The following MSI2 variants were observed in gnomAD, a reference collection of about 807,000 sequenced individuals.
The protein encoded by MSI2 is musashi RNA binding protein 2.
MSI2 carries 17 observed loss-of-function variants against 45.6 expected under a neutral mutation model. The ratio of observed to expected loss-of-function variants is 0.37; its 90% CI spans 0.26 to 0.56. The LOEUF is 0.56. Among genes scored for constraint, MSI2 ranks in the 20% least tolerant of loss-of-function variants. The pLI is 0.77. For missense variants in MSI2, 293 were observed against 444.2 expected, an observed-to-expected ratio of 0.66 and a Z score of 3.06; for synonymous variants, 156 against 158.2, an observed-to-expected ratio of 0.99 and a Z score of 0.11.
At chr17:57,502,636 T>TATATATATATATATAGAGAGAGAGAGAG in intron 6 of MSI2, among the ~76,000 whole-genome samples, 5 of 96,900 alleles carry the variant, frequency 5.2e-5, no homozygotes, top group Admixed American at 1.3e-4. Flanking sequence ...TATATATATA[T>TATATATATATATATAGAGAGAGAGAGAG]AGTCATCATT....
chr17:57,488,883 T>C (rs2085809075), intron 6 of MSI2, among the ~76,000 whole-genome samples: 1 of 151,548 alleles, frequency 6.6e-6, no homozygotes, highest in Non-Finnish European at 1.5e-5. Flanking sequence ...GCTGGCGGTG[T>C]GCAGACACGA....
Position 57,471,706 on chromosome 17 carries a change from C to T in MSI2, c.406-57970C>T, listed in dbSNP as rs556376901. The stretch of plus-strand genomic sequence containing the variant: ...CAGGAGACCATGCAGCTGTAAGCCC[C>T]CACCCCGCCTGCGTGCTGCCCCCAG... On this transcript the variant is annotated intron_variant, in intron 6 of 13. Coordinates refer to ENST00000284073, the MANE Select transcript of MSI2 (RefSeq NM_138962.4). Among the ~76,000 whole-genome samples, 516 of 152,176 alleles carry T rather than the reference C, an allele frequency of 3.4e-3. 1 individual carries two copies. The highest frequency in any genetic ancestry group is 2.9e-3 in the Non-Finnish European group (199 of 67,996).
At chr17:57,406,422 A>G (rs1343932722) in intron 6 of MSI2, among the ~76,000 whole-genome samples, 3 of 152,232 alleles carry the variant, frequency 2.0e-5, no homozygotes, top group South Asian at 4.1e-4. Context: ...AGGATTTTGG[A>G]GATCAAAAAG....
intron 6 of MSI2, among the ~76,000 whole-genome samples, chr17:57,436,310 A>AG (rs2084689353): frequency 6.6e-6 from 1 of 152,228 alleles, no homozygotes; most frequent in Non-Finnish European, 1.5e-5. Context: ...AATTCACAAA[A>AG]GGGGCTTAGT....
chr17:57,474,338 A>G (rs746045692), intron 6 of MSI2, among the ~76,000 whole-genome samples: 27 of 152,298 alleles, frequency 1.8e-4, no homozygotes, highest in Admixed American at 7.2e-4. Context: ...ATCCCCCACA[A>G]AATGACAGAG....
intron 5 of MSI2, 94 bp downstream of exon 5, chr17:57,262,286 C>G (rs1907379419): frequency 3.0e-6 from 4 of 1,337,118 alleles, no homozygotes; most frequent in Non-Finnish European, 4.3e-6. Context: ...ACTGTTGAAG[C>G]CTGGTATTCA....
chr17:57,305,598 G>A (rs1013150344), intron 5 of MSI2, among the ~76,000 whole-genome samples: 1 of 152,122 alleles, frequency 6.6e-6, no homozygotes, highest in African/African-American at 2.4e-5. Flanking sequence ...GTTTGATATC[G>A]GGCAGTTCAG....
At chr17:57,512,286 T>G (rs902234019) in intron 6 of MSI2, among the ~76,000 whole-genome samples, 12 of 152,138 alleles carry the variant, frequency 7.9e-5, no homozygotes, top group African/African-American at 2.9e-4. Flanking sequence ...TTCAAATGAA[T>G]GAATGGATTC....
intron 5 of MSI2, among the ~76,000 whole-genome samples, chr17:57,324,227 G>A (rs1913595176): frequency 6.6e-6 from 1 of 152,238 alleles, no homozygotes; most frequent in Non-Finnish European, 1.5e-5. Flanking sequence ...GAGTCTCTGA[G>A]CAGCACAACA....
At chr17:57,510,141 C>G (rs545813333) in intron 6 of MSI2, among the ~76,000 whole-genome samples, 2 of 152,064 alleles carry the variant, frequency 1.3e-5, no homozygotes, top group Admixed American at 6.5e-5. Flanking sequence ...ACTCCTTCCT[C>G]TGTCTTGGTC....
intron 6 of MSI2, chr17:57,522,270 A>G (rs2086604372): frequency 6.6e-6 from 1 of 152,192 alleles, no homozygotes; most frequent in South Asian, 2.1e-4. Flanking sequence ...GTTTATTTAT[A>G]CTAACACTTG....
intron 6 of MSI2, among the ~76,000 whole-genome samples, chr17:57,497,631 C>G (rs562538960): frequency 6.6e-6 from 1 of 152,290 alleles, no homozygotes; most frequent in African/African-American, 2.4e-5. Context: ...AAAGTATGGT[C>G]TTCTAAATAC....
intron 5 of MSI2, among the ~76,000 whole-genome samples, chr17:57,354,444 A>G (rs1465078332): frequency 6.6e-6 from 1 of 152,206 alleles, no homozygotes; most frequent in Non-Finnish European, 1.5e-5. Context: ...GTCAAGGTCA[A>G]TGCCCTGGGA....
At chr17:57,315,328 G>T (rs1294386646) in intron 5 of MSI2, among the ~76,000 whole-genome samples, 1 of 152,060 alleles carries the variant, frequency 6.6e-6, no homozygotes, top group African/African-American at 2.4e-5. Flanking sequence ...GTCATTGGGG[G>T]TGAGGGCTCT....
chr17:57,293,826 T>C (rs1359777857), intron 5 of MSI2, among the ~76,000 whole-genome samples: 2 of 151,906 alleles, frequency 1.3e-5, no homozygotes, highest in African/African-American at 4.8e-5. Context: ...CAGGCTGGTC[T>C]CGAACTCCTG....
chr17:57,572,164 G>A (rs1192212590), intron 7 of MSI2, among the ~76,000 whole-genome samples: 1 of 152,220 alleles, frequency 6.6e-6, no homozygotes, highest in East Asian at 1.9e-4. Flanking sequence ...TGGGAAGCAT[G>A]AAGGATTTGG....
intron 6 of MSI2, among the ~76,000 whole-genome samples, chr17:57,469,817 A>T (rs1323671166): frequency 2.0e-5 from 3 of 152,190 alleles, no homozygotes; most frequent in African/African-American, 7.2e-5. Flanking sequence ...TGAAGTGCAC[A>T]TCTGATTTTG....
chr17:57,548,865 T>C, intron 7 of MSI2, among the ~76,000 whole-genome samples: 1 of 151,798 alleles, frequency 6.6e-6, no homozygotes, highest in Admixed American at 6.6e-5. Context: ...TGTTCACCTC[T>C]TCACCCCTTA....
chr17:57,470,989 C>G (rs926925626), intron 6 of MSI2, among the ~76,000 whole-genome samples: 3 of 152,210 alleles, frequency 2.0e-5, no homozygotes, highest in Non-Finnish European at 4.4e-5. Flanking sequence ...TGTTGGCATT[C>G]TCTTTATGAT....
Sources: allele counts gnomAD v4.1 joint callset (sites outside exome capture counted in the v4.1 genomes callset), GRCh38; gene constraint gnomAD v4.1.1; transcripts MANE v1.5; gene names NCBI Gene and HGNC (gene_info 2026-07-23, HGNC 2026-07-21).